The following B3GNT2 variants were observed in gnomAD, a reference collection of about 807,000 sequenced individuals.
The protein encoded by B3GNT2 is N-acetyllactosaminide beta-1,3-N-acetylglucosaminyltransferase 2.
Under a neutral mutation model 27.6 loss-of-function variants are expected in B3GNT2, and 12 were observed. The ratio of observed to expected loss-of-function variants is 0.44; its 90% confidence interval spans 0.28 to 0.71. The LOEUF is 0.71. Among genes scored for constraint, B3GNT2 ranks in the 30% least tolerant of loss-of-function variants. The pLI is 0.17. For synonymous variants in B3GNT2, 192 were observed against 189.7 expected (o/e 1.01, Z -0.10); for missense variants, 413 against 488.5 (o/e 0.85, Z 1.46).
chr2:62,222,491 A>T lies in B3GNT2; in HGVS notation c.271A>T (p.Ser91Cys). The T allele has an allele frequency of 6.2e-7, 1 of 1,614,092 alleles. No homozygotes were observed. Among genetic ancestry groups the T allele is most frequent in the Non-Finnish European group, 8.5e-7 (1 of 1,180,018 alleles). ...TGEAGRLSNI[S>C]HLNYCEPDLR... ...GGAGGCGGGCAGGCTCTCCAATATA[A>T]GCCATCTGAACTACTGCGAACCTGA... The change falls in exon 2 of 2, where the codon AGC becomes TGC. Residue 91 changes from serine (S) to cysteine (C), a missense_variant. Coordinates refer to ENST00000301998, the MANE Select transcript of B3GNT2 (RefSeq NM_006577.6). The surrounding 1 kb of genome is among the most constrained non-coding windows in gnomAD (Gnocchi z 4.2).
intron 1 of B3GNT2, among the ~76,000 whole-genome samples, chr2:62,216,868 GTC>G (rs1674585477): frequency 6.6e-6 from 1 of 152,376 alleles, no homozygotes; most frequent in East Asian, 1.9e-4. Flanking sequence ...GTGAGTCACT[GTC>G]TGTTTTCACA....
intron 1 of B3GNT2, among the ~76,000 whole-genome samples, chr2:62,214,814 C>T (rs924296201): frequency 1.1e-4 from 16 of 152,148 alleles, no homozygotes; most frequent in African/African-American, 3.6e-4. Flanking sequence ...CCTGTCACTC[C>T]AGATGCCAAA....
chr2:62,214,696 G>GT (rs1674540064), intron 1 of B3GNT2, among the ~76,000 whole-genome samples: 1 of 152,156 alleles, frequency 6.6e-6, no homozygotes, highest in African/African-American at 2.4e-5. Context: ...GCTATTGGAG[G>GT]TTGTATCATC....
Position 62,223,708 on chromosome 2 carries a change from C to A in B3GNT2, c.*294C>A. On this transcript the variant is annotated 3_prime_UTR_variant, in exon 2 of 2. Coordinates refer to ENST00000301998, the MANE Select transcript of B3GNT2 (RefSeq NM_006577.6). ...CTGAAATCCTGTTTCTGGAATTTGG[C>A]CATTTTAAGTGATTTTGTTTGCCCT... 3.7e-6 allele frequency: 1 copy of A among 270,862 alleles called. No individual in the cohort carries two copies. Among genetic ancestry groups the A allele is most frequent in the South Asian group, 8.3e-5 (1 of 12,100 alleles). 16.8% of individuals were successfully genotyped at this position (270,862 alleles called of 1,614,324 possible). A position where few individuals can be genotyped will look rare whatever the true frequency, so the allele number is the denominator to read the frequency against.
In B3GNT2 at chr2:62,223,431, A is replaced by C; in HGVS notation, c.*17A>C. ...AAATGCTAAAATAGATACAAACTCA[A>C]TTTTGCATAGAAAGGTGTATTTTGA... On this transcript the variant is annotated 3_prime_UTR_variant, in exon 2 of 2. Coordinates refer to ENST00000301998, the MANE Select transcript of B3GNT2 (RefSeq NM_006577.6). 6.4e-7 allele frequency: 1 copy of C among 1,562,982 alleles called. No homozygotes were observed. Among genetic ancestry groups the C allele is most frequent in the Non-Finnish European group, 8.7e-7 (1 of 1,144,770 alleles).
At chr2:62,199,573 T>A (rs931073614) in intron 1 of B3GNT2, among the ~76,000 whole-genome samples, 1 of 152,212 alleles carries the variant, frequency 6.6e-6, no homozygotes, top group Non-Finnish European at 1.5e-5. Flanking sequence ...ACTGAAAGAT[T>A]CTCATAAAGG....
chr2:62,202,976 G>C (rs1008724), intron 1 of B3GNT2, among the ~76,000 whole-genome samples: 29,975 of 152,054 alleles, frequency 0.2, 3,126 homozygotes, highest in East Asian at 0.37. Context: ...TCTTCTCTGA[G>C]AGGAGGTTTT....
At chr2:62,219,183 A>G (rs780341607) in intron 1 of B3GNT2, among the ~76,000 whole-genome samples, 3 of 152,200 alleles carry the variant, frequency 2.0e-5, no homozygotes, top group Non-Finnish European at 4.4e-5. Flanking sequence ...ACAGCCTCCT[A>G]TGTAAAGTAC....
At chr2:62,212,857 T>C (rs972490606) in intron 1 of B3GNT2, among the ~76,000 whole-genome samples, 4 of 152,162 alleles carry the variant, frequency 2.6e-5, no homozygotes, top group Non-Finnish European at 5.9e-5. Flanking sequence ...TACCTGCTGG[T>C]TGAACCCAGA....
At position 62,196,270 on chromosome 2, in the gene B3GNT2, C is replaced by G. The variant is rs1177952272; in HGVS notation, c.-95C>G. ...GAGCTGCGGCGGTCGCCGGGCTGAGCCGCGCGGAGCGGCCGGGACGTGGAT... is the reference window on the plus strand; with the variant it reads ...GAGCTGCGGCGGTCGCCGGGCTGAGGCGCGCGGAGCGGCCGGGACGTGGAT... On this transcript the variant is annotated 5_prime_UTR_variant, in exon 1 of 2. Coordinates refer to ENST00000301998, the MANE Select transcript of B3GNT2 (RefSeq NM_006577.6). The G allele has an allele frequency of 6.6e-6, 1 of 151,946 alleles. No homozygotes were observed. The highest frequency in any genetic ancestry group is 1.5e-5 in the Non-Finnish European group (1 of 67,986). The allele number at this position is 151,946 out of a possible 1,614,324, so 9.4% of individuals were successfully genotyped here. A position where few individuals can be genotyped will look rare whatever the true frequency, so the allele number is the denominator to read the frequency against.
At position 62,200,665 on chromosome 2, in the gene B3GNT2, G is replaced by T. The variant is rs1346351745; in HGVS notation, c.-10+4310G>T. Among the ~76,000 whole-genome samples, 7 of 152,196 alleles carry T rather than the reference G, an allele frequency of 4.6e-5. No individual in the cohort carries two copies. In the East Asian group the frequency reaches 1.2e-3, roughly 25 times the overall value. The stretch of plus-strand genomic sequence containing the variant: ...TCAGATTAAGAAATAAACATTTTCA[G>T]TACTGCAGAAGGTTCCTGCGCCCAT... On this transcript the variant is annotated intron_variant, in intron 1 of 1. Transcript: ENST00000301998.
chr2:62,214,617 C>G (rs1231889104), intron 1 of B3GNT2, among the ~76,000 whole-genome samples: 1 of 152,164 alleles, frequency 6.6e-6, no homozygotes, highest in African/African-American at 2.4e-5. Flanking sequence ...ACTAAAGAGG[C>G]AGTGAAGGAC....
chr2:62,201,185 A>C (rs1674257468), intron 1 of B3GNT2, among the ~76,000 whole-genome samples: 1 of 152,218 alleles, frequency 6.6e-6, no homozygotes, highest in South Asian at 2.1e-4. Flanking sequence ...GAAAATTAGA[A>C]GACAAATCTT....
At chr2:62,211,521 A>G (rs940198284) in intron 1 of B3GNT2, among the ~76,000 whole-genome samples, 2 of 152,204 alleles carry the variant, frequency 1.3e-5, no homozygotes, top group African/African-American at 2.4e-5. Flanking sequence ...GTTGTAATCA[A>G]TGGGCATCCA....
At chr2:62,201,549 G>A (rs186787287) in intron 1 of B3GNT2, among the ~76,000 whole-genome samples, 71 of 152,338 alleles carry the variant, frequency 4.7e-4, no homozygotes, top group Admixed American at 3.1e-3. Context: ...TAATCTTACC[G>A]TGTAAGCGGT....
At chr2:62,211,921 G>C (rs913848327) in intron 1 of B3GNT2, among the ~76,000 whole-genome samples, 1 of 152,150 alleles carries the variant, frequency 6.6e-6, no homozygotes, top group African/African-American at 2.4e-5. Context: ...TATTATCTCT[G>C]CCAATTCAGT....
chr2:62,198,816 G>T (rs2104179883), intron 1 of B3GNT2, among the ~76,000 whole-genome samples: 1 of 152,278 alleles, frequency 6.6e-6, no homozygotes, highest in South Asian at 2.1e-4. Context: ...AAAAAAAATA[G>T]TTGCATTAGT....
Position 62,222,110 on chromosome 2 carries a change from T to C in B3GNT2, c.-9-102T>C, listed in dbSNP as rs1674708916. ...ACCTAGGCAGTGCAAGTGTAGAGTC[T>C]TTGCTGTAAACCACTATTCCTGGGG... On this transcript the variant is annotated intron_variant, in intron 1 of 1. Coordinates refer to ENST00000301998, the MANE Select transcript of B3GNT2 (RefSeq NM_006577.6). This position sits in a 1 kb window ranked among gnomAD's most constrained non-coding sequence, Gnocchi z 4.2. 1 of 1,071,006 alleles carries C rather than the reference T, an allele frequency of 9.3e-7. No homozygotes were observed. The allele number at this position is 1,071,006 out of a possible 1,614,324, so 66.3% of individuals were successfully genotyped here.
intron 1 of B3GNT2, among the ~76,000 whole-genome samples, chr2:62,213,955 A>G (rs1359557095): frequency 6.6e-6 from 1 of 152,104 alleles, no homozygotes; most frequent in East Asian, 1.9e-4. Context: ...GCTGGAGTGT[A>G]ATGGTGGTGC....
Sources: allele counts gnomAD v4.1 joint callset (sites outside exome capture counted in the v4.1 genomes callset), GRCh38; gene constraint gnomAD v4.1.1; non-coding constraint Gnocchi (gnomAD v3.1); transcripts MANE v1.5; gene names NCBI Gene and HGNC (gene_info 2026-07-23, HGNC 2026-07-21).